The following LRRN3 variants were observed in gnomAD, a reference collection of about 807,000 sequenced individuals.
LRRN3 encodes leucine-rich repeat neuronal protein 3.
Under a neutral mutation model 40.1 loss-of-function variants are expected in LRRN3, and 15 were observed. The observed-to-expected ratio is 0.37, with a 90% CI of 0.25 to 0.58. The LOEUF is 0.58. Among genes scored for constraint, LRRN3 ranks in the 20% least tolerant of loss-of-function variants. The pLI is 0.72. For missense variants in LRRN3, 746 were observed against 837.7 expected (o/e 0.89, Z 1.35); for synonymous variants, 308 against 297.2 (o/e 1.04, Z -0.37).
chr7:111,123,360 G>C lies in LRRN3; in HGVS notation c.588G>C (p.Gly196=). Residue 196 remains glycine (G), a synonymous_variant, in exon 3 of 3, where the codon GGG becomes GGC. Coordinates refer to ENST00000308478, the MANE Select transcript of LRRN3 (RefSeq NM_001099658.2). This position sits in a 1 kb window ranked among gnomAD's most constrained non-coding sequence, Gnocchi z 6.4. ...ALPNLEILMI[G]ENPIIRIKDM... The stretch of plus-strand genomic sequence containing the variant: ...CAAATCTAGAGATTCTGATGATTGG[G>C]GAAAATCCAATTATCAGAATCAAAG... 1.2e-6 allele frequency: 2 copies of C among 1,613,438 alleles called. No individual in the cohort carries two copies. Among genetic ancestry groups the C allele is most frequent in the Non-Finnish European group, 1.7e-6 (2 of 1,179,684 alleles).
chr7:111,116,032 A>T (rs900170589), intron 2 of LRRN3, among the ~76,000 whole-genome samples: 1 of 152,192 alleles, frequency 6.6e-6, no homozygotes, highest in South Asian at 2.1e-4. Context: ...AATTCTAAAA[A>T]CAAGAGAAGA....
intron 2 of LRRN3, among the ~76,000 whole-genome samples, chr7:111,114,738 CAAAA>C (rs567078227): frequency 1.6e-5 from 1 of 62,608 alleles, no homozygotes; most frequent in South Asian, 5.8e-4. Context: ...GACTCCATCT[CAAAA>C]AAAAAAAAAA....
chr7:111,123,556 C>G lies in LRRN3; in HGVS notation c.784C>G (p.Leu262Val), dbSNP rs1311584336. Residue 262 changes from leucine (L) to valine (V), a missense_variant, in exon 3 of 3, where the codon CTC becomes GTC. By Grantham distance (32) the Leu-to-Val change is conservative. Coordinates refer to ENST00000308478, the MANE Select transcript of LRRN3 (RefSeq NM_001099658.2). The surrounding 1 kb of genome is among the most constrained non-coding windows in gnomAD (Gnocchi z 6.4). ...PHVALQKVVN[L>V]KFLDLNKNPI... ...TGTTGCTCTTCAAAAAGTTGTAAATCTCAAATTTTTGGATCTAAATAAAAA... is the reference window on the plus strand; with the variant it reads ...TGTTGCTCTTCAAAAAGTTGTAAATGTCAAATTTTTGGATCTAAATAAAAA... 6.2e-7 allele frequency: 1 copy of G among 1,613,586 alleles called. No individual in the cohort carries two copies. Among genetic ancestry groups the G allele is most frequent in the Non-Finnish European group, 8.5e-7 (1 of 1,179,860 alleles).
At chr7:111,112,058 C>A (rs1261797142) in intron 2 of LRRN3, among the ~76,000 whole-genome samples, 1 of 149,670 alleles carries the variant, frequency 6.7e-6, no homozygotes, top group African/African-American at 2.5e-5. Context: ...GGTGATTCTC[C>A]TGTCTCAGCC....
chr7:111,117,450 G>A (rs1800026885), intron 2 of LRRN3, among the ~76,000 whole-genome samples: 1 of 151,982 alleles, frequency 6.6e-6, no homozygotes, highest in Non-Finnish European at 1.5e-5. Flanking sequence ...TTTTCTTTCG[G>A]TGTATCAATT....
chr7:111,120,978 G>A (rs1800535291), intron 2 of LRRN3, among the ~76,000 whole-genome samples: 1 of 150,268 alleles, frequency 6.7e-6, no homozygotes, highest in African/African-American at 2.4e-5. Context: ...TTTAAAAGTT[G>A]TTTTCCTTTT....
At chr7:111,105,795 T>C (rs1798483333) in intron 2 of LRRN3, among the ~76,000 whole-genome samples, 1 of 151,896 alleles carries the variant, frequency 6.6e-6, no homozygotes, top group Non-Finnish European at 1.5e-5. Flanking sequence ...AAGAAATAGA[T>C]AGAGATGCCT....
Position 111,124,210 on chromosome 7 carries a change from A to T in LRRN3, c.1438A>T (p.Thr480Ser), listed in dbSNP as rs1393241769. 2 of 1,613,928 alleles carry T rather than the reference A, an allele frequency of 1.2e-6. No individual in the cohort carries two copies. Among genetic ancestry groups the T allele is most frequent in the South Asian group, 2.2e-5 (2 of 91,064 alleles). Residue 480 changes from threonine (T) to serine (S), a missense_variant, in exon 3 of 3, where the codon ACA becomes TCA. Transcript: ENST00000308478. ...TDKFYVHSEG[T>S]LDINGVTPKE... ...CAAGTTCTATGTCCATTCTGAGGGA[A>T]CACTAGATATAAATGGCGTAACTCC...
chr7:111,117,722 G>C (rs1304531954), intron 2 of LRRN3, among the ~76,000 whole-genome samples: 7 of 152,034 alleles, frequency 4.6e-5, no homozygotes, highest in Non-Finnish European at 5.9e-5. Context: ...GTTAGATAGT[G>C]GGAGAATAGA....
intron 2 of LRRN3, among the ~76,000 whole-genome samples, chr7:111,107,710 A>G (rs1414326373): frequency 6.6e-6 from 1 of 152,124 alleles, no homozygotes; most frequent in African/African-American, 2.4e-5. Context: ...AAGGCCACAG[A>G]TTTGTTATTT....
chr7:111,109,355 C>A (rs1303922901), intron 2 of LRRN3, among the ~76,000 whole-genome samples: 1 of 151,842 alleles, frequency 6.6e-6, no homozygotes, highest in Non-Finnish European at 1.5e-5. Flanking sequence ...ACTACAAAAG[C>A]ATCTTAATTA....
chr7:111,103,236 T>C (rs214887), intron 2 of LRRN3, among the ~76,000 whole-genome samples: 8,681 of 151,672 alleles, frequency 0.057, 479 homozygotes, highest in African/African-American at 0.14. Context: ...TCTGCAGATT[T>C]ATGGTTAATA....
intron 2 of LRRN3, among the ~76,000 whole-genome samples, chr7:111,103,846 A>T (rs976042443): frequency 1.3e-5 from 2 of 151,660 alleles, no homozygotes; most frequent in African/African-American, 4.8e-5. Flanking sequence ...GGAAACAATG[A>T]CATGGCAGCA....
intron 2 of LRRN3, among the ~76,000 whole-genome samples, chr7:111,113,756 G>A (rs934707731): frequency 2.0e-5 from 3 of 152,108 alleles, no homozygotes; most frequent in Non-Finnish European, 4.4e-5. Flanking sequence ...CACAATGTAA[G>A]TCTGTCTCCT....
chr7:111,104,807 A>G (rs1798363059), intron 2 of LRRN3, among the ~76,000 whole-genome samples: 1 of 151,936 alleles, frequency 6.6e-6, no homozygotes, highest in African/African-American at 2.4e-5. Context: ...CCAGCCTCGC[A>G]TCTCATTGGA....
intron 2 of LRRN3, among the ~76,000 whole-genome samples, chr7:111,110,712 G>A (rs1563253153): frequency 6.6e-6 from 1 of 152,110 alleles, no homozygotes; most frequent in African/African-American, 2.4e-5. Context: ...ATTCTTGACT[G>A]AGCAATGTGA....
intron 2 of LRRN3, among the ~76,000 whole-genome samples, chr7:111,111,412 A>C (rs1208766880): frequency 2.0e-5 from 3 of 147,906 alleles, no homozygotes. Flanking sequence ...TCCCCCCCCA[A>C]AAAAAAATGG....
At chr7:111,122,218 A>G (rs1800731819) in intron 2 of LRRN3, among the ~76,000 whole-genome samples, 197 bp from the exon 3 acceptor site, 1 of 148,248 alleles carries the variant, frequency 6.7e-6, no homozygotes, top group African/African-American at 2.6e-5. Flanking sequence ...AACTTAAAGT[A>G]TAATAAAAAA....
At position 111,122,974 on chromosome 7, in the gene LRRN3, C is replaced by G; in HGVS notation, c.202C>G (p.Pro68Ala). 6.2e-7 allele frequency: 1 copy of G among 1,613,946 alleles called. No individual in the cohort carries two copies. Among genetic ancestry groups the G allele is most frequent in the Non-Finnish European group, 8.5e-7 (1 of 1,179,926 alleles). ...LGLLTFPARL[P>A]ANTQILLLQT... ...TCTTTTAACTTTCCCAGCCAGATTG[C>G]CAGCTAACACACAGATTCTTCTCCT... The change falls in exon 3 of 3, where the codon CCA becomes GCA. Residue 68 changes from proline to alanine, a missense_variant. Coordinates refer to ENST00000308478, the MANE Select transcript of LRRN3 (RefSeq NM_001099658.2).
Sources: allele counts gnomAD v4.1 joint callset (sites outside exome capture counted in the v4.1 genomes callset), GRCh38; gene constraint gnomAD v4.1.1; non-coding constraint Gnocchi (gnomAD v3.1); transcripts MANE v1.5; gene names NCBI Gene and HGNC (gene_info 2026-07-23, HGNC 2026-07-21).